OLA1: variants seen among roughly 807,000 people sequenced by gnomAD.
The protein encoded by OLA1 is obg-like ATPase 1.
In OLA1, 14 loss-of-function variants were observed where a neutral mutation model predicts 48.4. The ratio of observed to expected loss-of-function variants is 0.29; its 90% CI spans 0.19 to 0.45. OLA1 has a LOEUF of 0.45. Among genes scored for constraint, OLA1 ranks in the 20% least tolerant of loss-of-function variants. OLA1 has a pLI of 1.00. For missense variants in OLA1, 325 were observed against 467.1 expected (o/e 0.70, Z 2.80); for synonymous variants, 127 against 150.4 (o/e 0.84, Z 1.14).
At chr2:174,150,321 G>A (rs1055337111) in intron 4 of OLA1, among the ~76,000 whole-genome samples, 2 of 152,170 alleles carry the variant, frequency 1.3e-5, no homozygotes, top group African/African-American at 4.8e-5. Context: ...GCTGCCTTGG[G>A]ACTCTACAGA....
At position 174,075,314 on chromosome 2, in the gene OLA1, A is replaced by C; in HGVS notation, c.*112T>G. ...ACAAATAAAAATAATTTGTTTGTCA[A>C]AGATTCCCATCTCCCCAACTTTATT... On this transcript the variant is annotated 3_prime_UTR_variant, in exon 11 of 11. Transcript: ENST00000284719. 3.1e-6 allele frequency: 2 copies of C among 636,590 alleles called. No individual in the cohort carries two copies. The highest frequency in any genetic ancestry group is 5.6e-6 in the Non-Finnish European group (2 of 359,490). 39.4% of individuals were successfully genotyped at this position (636,590 alleles called of 1,614,324 possible).
At chr2:174,217,425 T>C (rs1481642869) in intron 4 of OLA1, among the ~76,000 whole-genome samples, 1 of 150,082 alleles carries the variant, frequency 6.7e-6, no homozygotes, top group Non-Finnish European at 1.5e-5. Context: ...TATCTAAAAA[T>C]ATGACATTAT....
intron 7 of OLA1, among the ~76,000 whole-genome samples, chr2:174,098,153 C>T (rs972269119): frequency 2.0e-5 from 3 of 152,082 alleles, no homozygotes; most frequent in Admixed American, 1.3e-4. Flanking sequence ...CAAATAGGCA[C>T]GTGAAACAAT....
chr2:174,214,661 C>T (rs1688320958), intron 4 of OLA1, among the ~76,000 whole-genome samples: 2 of 152,130 alleles, frequency 1.3e-5, no homozygotes, highest in African/African-American at 4.8e-5. Context: ...TTCATATTAT[C>T]CTGTATTTTC....
intron 7 of OLA1, among the ~76,000 whole-genome samples, chr2:174,103,212 G>A (rs1685437987): frequency 6.6e-6 from 1 of 152,202 alleles, no homozygotes; most frequent in African/African-American, 2.4e-5. Context: ...TTGGCTAATA[G>A]CATAACTGGG....
At chr2:174,163,716 ATATATATATATATATAT>A (rs1558984416) in intron 4 of OLA1, among the ~76,000 whole-genome samples, 521 of 17,960 alleles carry the variant, frequency 0.029, 37 homozygotes, top group African/African-American at 0.052. Flanking sequence ...AAATAAATAT[ATATATATATATATATAT>A]ATATATATAT....
At chr2:174,165,779 A>G (rs1468128545) in intron 4 of OLA1, among the ~76,000 whole-genome samples, 1 of 150,812 alleles carries the variant, frequency 6.6e-6, no homozygotes, top group Non-Finnish European at 1.5e-5. Context: ...TATAAGAATG[A>G]GAATGCCGTT....
chr2:174,110,070 C>A (rs1199394779), intron 7 of OLA1, among the ~76,000 whole-genome samples: 2 of 150,066 alleles, frequency 1.3e-5, no homozygotes, highest in Admixed American at 6.7e-5. Flanking sequence ...AGTTTTCTAT[C>A]CCTGTGTTAG....
At chr2:174,238,595 T>C (rs57764338) in intron 2 of OLA1, among the ~76,000 whole-genome samples, 4,570 of 152,014 alleles carry the variant, frequency 0.03, 127 homozygotes, top group South Asian at 0.078. Context: ...ATGTGAAATA[T>C]TGGAACCCAC....
At chr2:174,206,058 T>C (rs1688107010) in intron 4 of OLA1, among the ~76,000 whole-genome samples, 1 of 152,094 alleles carries the variant, frequency 6.6e-6, no homozygotes, top group African/African-American at 2.4e-5. Flanking sequence ...AATGTAAAAT[T>C]TGAAAAAGGA....
chr2:174,226,819 A>G (rs937737682), intron 3 of OLA1, among the ~76,000 whole-genome samples: 27 of 152,240 alleles, frequency 1.8e-4, no homozygotes, highest in Admixed American at 6.5e-4. Context: ...TCTTCAATAG[A>G]AACAGGCTGG....
intron 4 of OLA1, among the ~76,000 whole-genome samples, chr2:174,208,956 C>T (rs1355336609): frequency 6.6e-6 from 1 of 152,036 alleles, no homozygotes; most frequent in Non-Finnish European, 1.5e-5. Flanking sequence ...TCAAGTCTGT[C>T]CCTTCCTTTC....
At chr2:174,153,809 CT>C (rs1686804699) in intron 4 of OLA1, among the ~76,000 whole-genome samples, 1 of 152,168 alleles carries the variant, frequency 6.6e-6, no homozygotes, top group Non-Finnish European at 1.5e-5. Flanking sequence ...TTTTTCACTT[CT>C]TATTCCTTAT....
chr2:174,217,401 A>T (rs1352259532), intron 4 of OLA1, among the ~76,000 whole-genome samples: 2 of 152,104 alleles, frequency 1.3e-5, no homozygotes, highest in Non-Finnish European at 2.9e-5. Context: ...TAGCTGCACC[A>T]ACCTGCTAAT....
At chr2:174,173,272 A>T (rs972359776) in intron 4 of OLA1, among the ~76,000 whole-genome samples, 1 of 152,170 alleles carries the variant, frequency 6.6e-6, no homozygotes, top group Non-Finnish European at 1.5e-5. Flanking sequence ...AGAAATGATT[A>T]TAAAATTCCA....
chr2:174,108,739 A>C lies in OLA1; in HGVS notation c.728+14441T>G, dbSNP rs114228004. ...ATTCTTCTTCAGTGTCAGACTGTCTAGCCATCCAAGGGAATACAAAGAATG... is the reference window on the plus strand; with the variant it reads ...ATTCTTCTTCAGTGTCAGACTGTCTCGCCATCCAAGGGAATACAAAGAATG... On this transcript the variant is annotated intron_variant, in intron 7 of 10. Transcript: ENST00000284719. 7.9e-3 allele frequency among the ~76,000 whole-genome samples: 1,196 copies of C among 152,278 alleles called. 17 individuals carry two copies. Among genetic ancestry groups the C allele is most frequent in the African/African-American group, 0.027 (1,129 of 41,572 alleles).
At chr2:174,166,705 T>C (rs868754008) in intron 4 of OLA1, among the ~76,000 whole-genome samples, 28 of 152,314 alleles carry the variant, frequency 1.8e-4, no homozygotes, top group South Asian at 6.2e-4. Context: ...ATAACACAGA[T>C]GTCTACAAAA....
rs146580044 is a variant in OLA1, at chr2:174,146,729, G to A, written c.374-4729C>T. On this transcript the variant is annotated intron_variant, in intron 4 of 10. Transcript: ENST00000284719. ...TTCAAGAAGGAAGGTGTATTCAACC[G>A]TCAGATACTATTTAGAGATAAAGAC... is the stretch of plus-strand genomic sequence containing the variant. 2.1e-3 allele frequency among the ~76,000 whole-genome samples: 313 copies of A among 152,198 alleles called. 2 individuals carry two copies. Among genetic ancestry groups the A allele is most frequent in the African/African-American group, 7.2e-3 (297 of 41,522 alleles).
chr2:174,142,780 G>A (rs535295603), intron 4 of OLA1, among the ~76,000 whole-genome samples: 3 of 152,144 alleles, frequency 2.0e-5, no homozygotes, highest in African/African-American at 7.2e-5. Flanking sequence ...ATTCAACTGG[G>A]ATTTACTCAA....
Sources: allele counts gnomAD v4.1 joint callset (sites outside exome capture counted in the v4.1 genomes callset), GRCh38; gene constraint gnomAD v4.1.1; transcripts MANE v1.5; gene names NCBI Gene and HGNC (gene_info 2026-07-23, HGNC 2026-07-21).